Variants in TMEM72 observed in about 807,000 individuals in gnomAD.
TMEM72 encodes kidney-specific secretory protein of 37 kDa.
TMEM72 carries 9 observed loss-of-function variants against 16.3 expected under a neutral mutation model. That is an observed-to-expected ratio of 0.55 (90% CI 0.33 to 0.96). The LOEUF (loss-of-function observed/expected upper bound fraction) is 0.96, where lower values mean the gene tolerates loss of function less well. Ranked by LOEUF, TMEM72 falls within the 40% of genes least tolerant of loss-of-function variation. The probability of loss-of-function intolerance (pLI) is 0.03; values close to 1 mark genes in which losing one functional copy is unlikely to be tolerated. For missense variants in TMEM72, 324 were observed against 337.8 expected (o/e 0.96, Z 0.32); for synonymous variants, 160 against 146.5 (o/e 1.09, Z -0.66).
At chr10:44,925,150 C>G (rs918148335) in intron 1 of TMEM72, among the ~76,000 whole-genome samples, 17 of 152,348 alleles carry the variant, frequency 1.1e-4, no homozygotes, top group Middle Eastern at 3.4e-3. Flanking sequence ...TAATAACACA[C>G]AGAACTGGGA....
chr10:44,921,011 T>C (rs1840089171), intron 1 of TMEM72, among the ~76,000 whole-genome samples: 1 of 152,106 alleles, frequency 6.6e-6, no homozygotes, highest in African/African-American at 2.4e-5. Flanking sequence ...TGGCCCAGGA[T>C]CTCTGATCTC....
intron 1 of TMEM72, among the ~76,000 whole-genome samples, chr10:44,926,260 C>T (rs976866235): frequency 1.3e-5 from 2 of 152,186 alleles, no homozygotes; most frequent in Admixed American, 6.5e-5. Flanking sequence ...CATGCACGCA[C>T]GCAGGCTGGA....
chr10:44,927,717 C>T (rs1840219594), intron 1 of TMEM72, among the ~76,000 whole-genome samples: 1 of 152,242 alleles, frequency 6.6e-6, no homozygotes, highest in African/African-American at 2.4e-5. Flanking sequence ...TGGGCTTCTG[C>T]CTGGAGTTCC....
intron 1 of TMEM72, among the ~76,000 whole-genome samples, chr10:44,918,980 A>C (rs1840052202): frequency 6.6e-6 from 1 of 152,244 alleles, no homozygotes; most frequent in Admixed American, 6.5e-5. Flanking sequence ...GTTGTCTATA[A>C]GGTACCCAGT....
chr10:44,919,462 A>G (rs1179855815), intron 1 of TMEM72, among the ~76,000 whole-genome samples: 2 of 152,262 alleles, frequency 1.3e-5, no homozygotes, highest in African/African-American at 2.4e-5. Flanking sequence ...AGCTTAATAT[A>G]TAATAATCAA....
Position 44,936,845 on chromosome 10 carries a change from C to T in TMEM72, c.*1711C>T, listed in dbSNP as rs1216198376. ...GGGGAATGTGATGGCCACAGACACC[C>T]TCATGGCACAGACATGGCCAGCCTC... On this transcript the variant is annotated 3_prime_UTR_variant, in exon 5 of 5. Coordinates refer to ENST00000389583, the MANE Select transcript of TMEM72 (RefSeq NM_001123376.3). 3.9e-5 allele frequency: 6 copies of T among 152,270 alleles called. No homozygotes were observed. The highest frequency in any genetic ancestry group is 8.8e-5 in the Non-Finnish European group (6 of 68,072). The allele number at this position is 152,270 out of a possible 1,614,324, so 9.4% of individuals were successfully genotyped here.
At chr10:44,921,193 C>T (rs1375808273) in intron 1 of TMEM72, among the ~76,000 whole-genome samples, 1 of 152,216 alleles carries the variant, frequency 6.6e-6, no homozygotes, top group Non-Finnish European at 1.5e-5. Flanking sequence ...CCATGAATGG[C>T]TCCATCAAGG....
At chr10:44,913,727 A>G (rs1839972488) in intron 1 of TMEM72, among the ~76,000 whole-genome samples, 1 of 152,224 alleles carries the variant, frequency 6.6e-6, no homozygotes, top group Non-Finnish European at 1.5e-5. Flanking sequence ...AGTTTCTTCC[A>G]GCATCACTGA....
At chr10:44,925,087 T>C (rs1248287568) in intron 1 of TMEM72, among the ~76,000 whole-genome samples, 1 of 152,190 alleles carries the variant, frequency 6.6e-6, no homozygotes, top group Non-Finnish European at 1.5e-5. Flanking sequence ...TTCTGCCCCT[T>C]CCACAGATGA....
At chr10:44,926,646 G>A (rs958932791) in intron 1 of TMEM72, among the ~76,000 whole-genome samples, 35 of 152,170 alleles carry the variant, frequency 2.3e-4, no homozygotes, top group African/African-American at 6.3e-4. Flanking sequence ...CTGGTGGCAC[G>A]TTAATGTGGG....
At chr10:44,915,270 T>C (rs746990696) in intron 1 of TMEM72, among the ~76,000 whole-genome samples, 1 of 152,188 alleles carries the variant, frequency 6.6e-6, no homozygotes, top group Non-Finnish European at 1.5e-5. Context: ...TTGCTGAGAA[T>C]GAACATGATT....
chr10:44,916,026 C>T (rs1186100992), intron 1 of TMEM72, among the ~76,000 whole-genome samples: 1 of 152,130 alleles, frequency 6.6e-6, no homozygotes, highest in African/African-American at 2.4e-5. Context: ...TGGGCTCAGT[C>T]CTATTTTACA....
intron 2 of TMEM72, among the ~76,000 whole-genome samples, chr10:44,931,233 T>C (rs1342374883): frequency 6.6e-6 from 1 of 152,166 alleles, no homozygotes; most frequent in Non-Finnish European, 1.5e-5. Context: ...ACATGGAGGA[T>C]AGGCAGTGAG....
intron 3 of TMEM72, among the ~76,000 whole-genome samples, chr10:44,932,499 G>A (rs930050796): frequency 6.6e-6 from 1 of 152,194 alleles, no homozygotes; most frequent in Non-Finnish European, 1.5e-5. Context: ...GGGGCAGTAT[G>A]TCTCTACACC....
chr10:44,931,647 G>A (rs945275564), intron 2 of TMEM72, among the ~76,000 whole-genome samples: 9 of 152,206 alleles, frequency 5.9e-5, no homozygotes, highest in Admixed American at 3.3e-4. Context: ...TCAGGAACAG[G>A]TCCAGGTTTA....
Position 44,932,034 on chromosome 10 carries a change from C to A in TMEM72, c.174C>A (p.Ala58=), listed in dbSNP as rs1476614279. The A allele has an allele frequency of 2.5e-6, 4 of 1,613,398 alleles. No individual in the cohort carries two copies. The Admixed American group carries it at 6.7e-5, about 27-fold the overall frequency. The stretch of plus-strand genomic sequence containing the variant: ...CCGCTGTCTCCATATGTGAAGGGGC[C>A]TACTTTGTGGCTCAGCTGCTGGCCA... ...TGAAVSICEG[A]YFVAQLLAIC... The change falls in exon 3 of 5, where the codon GCC becomes GCA. Residue 58 remains alanine, a synonymous_variant. Transcript: ENST00000389583.
chr10:44,923,771 T>C (rs1031178481), intron 1 of TMEM72, among the ~76,000 whole-genome samples: 7 of 152,154 alleles, frequency 4.6e-5, no homozygotes, highest in African/African-American at 1.7e-4. Context: ...CAACATGCAA[T>C]GGCAGGGCAT....
chr10:44,926,002 C>T (rs1589044483), intron 1 of TMEM72, among the ~76,000 whole-genome samples: 2 of 151,788 alleles, frequency 1.3e-5, no homozygotes, highest in Admixed American at 6.6e-5. Context: ...CATATTCACA[C>T]ATGCACATTC....
chr10:44,925,542 A>T (rs1285602227), intron 1 of TMEM72, among the ~76,000 whole-genome samples: 1 of 152,158 alleles, frequency 6.6e-6, no homozygotes, highest in Non-Finnish European at 1.5e-5. Flanking sequence ...CTGAGCACCC[A>T]TGACACGCTT....
Sources: gnomAD v4.1 joint callset for allele counts (sites outside exome capture counted in the v4.1 genomes callset) on GRCh38, gnomAD v4.1.1 for gene constraint, MANE v1.5 for transcripts, NCBI Gene and HGNC (gene_info 2026-07-23, HGNC 2026-07-21) for gene names.